GFPT1: variants seen among roughly 807,000 people sequenced by gnomAD.
GFPT1 encodes glutamine--fructose-6-phosphate aminotransferase [isomerizing] 1.
A neutral mutation model predicts 92.0 loss-of-function variants in GFPT1; 40 were observed. The ratio of observed to expected loss-of-function variants is 0.43; its 90% CI spans 0.34 to 0.57. The LOEUF (loss-of-function observed/expected upper bound fraction) is 0.57. Ranked by LOEUF, GFPT1 falls within the 20% of genes least tolerant of loss-of-function variation. The pLI is 0.02. For missense variants in GFPT1, 448 were observed against 869.1 expected, an observed-to-expected ratio of 0.52 and a Z score of 6.09; for synonymous variants, 269 against 280.6, an observed-to-expected ratio of 0.96 and a Z score of 0.41.
intron 4 of GFPT1, among the ~76,000 whole-genome samples, chr2:69,360,987 G>A (rs1056285856): frequency 4.6e-5 from 7 of 152,008 alleles, no homozygotes; most frequent in Non-Finnish European, 8.8e-5. Flanking sequence ...CACCTGCCTT[G>A]GCCTCCCAAA....
At chr2:69,376,774 T>C (rs1671881928) in intron 1 of GFPT1, among the ~76,000 whole-genome samples, 1 of 152,118 alleles carries the variant, frequency 6.6e-6, no homozygotes, top group Non-Finnish European at 1.5e-5. Flanking sequence ...ATGATAAAAA[T>C]GAAAGTTGGT....
chr2:69,354,698 A>C, intron 7 of GFPT1, 130 bp from the exon 8 acceptor site: 1 of 688,894 alleles, frequency 1.5e-6, no homozygotes, highest in South Asian at 1.5e-5. Context: ...AGATATAAGA[A>C]CTAGATAAAA....
At chr2:69,326,273 T>C in intron 19 of GFPT1, 40 bp from the exon 20 acceptor site, 1 of 1,403,588 alleles carries the variant, frequency 7.1e-7, no homozygotes, top group South Asian at 1.2e-5. Context: ...TTTGAGAGAT[T>C]ATATAGACTG....
At chr2:69,349,522 T>C (rs1380442360) in intron 10 of GFPT1, among the ~76,000 whole-genome samples, 3 of 152,230 alleles carry the variant, frequency 2.0e-5, no homozygotes, top group African/African-American at 4.8e-5. Context: ...ACTCAAATAC[T>C]TGTTTGCAAT....
At chr2:69,344,186 CAAAAAAAAA>C (rs10602884) in intron 12 of GFPT1, among the ~76,000 whole-genome samples, 1 of 64,520 alleles carries the variant, frequency 1.5e-5, no homozygotes, top group African/African-American at 6.5e-5. Flanking sequence ...AAAAGCAAAG[CAAAAAAAAA>C]AAAAAAAAAA....
chr2:69,346,040 C>A, intron 11 of GFPT1, 41 bp from the exon 12 acceptor site: 1 of 1,080,450 alleles, frequency 9.3e-7, no homozygotes, highest in South Asian at 1.3e-5. Flanking sequence ...AAAAACAAAT[C>A]AAATAAAAGA....
intron 1 of GFPT1, among the ~76,000 whole-genome samples, chr2:69,380,958 G>A (rs1671994216): frequency 6.6e-6 from 1 of 151,706 alleles, no homozygotes. Context: ...TTCATTTTTG[G>A]TAGATTCTTA....
At chr2:69,326,508 AG>A (rs1670535719) in intron 19 of GFPT1, among the ~76,000 whole-genome samples, 1 of 152,228 alleles carries the variant, frequency 6.6e-6, no homozygotes, top group African/African-American at 2.4e-5. Flanking sequence ...TAGCCCTCAT[AG>A]GGGACACTAA....
chr2:69,346,147 G>C, intron 11 of GFPT1, 148 bp from the exon 12 acceptor site: 1 of 624,552 alleles, frequency 1.6e-6, no homozygotes, highest in Non-Finnish European at 2.8e-6. Flanking sequence ...AAGATTGGGT[G>C]AACATATTTT....
intron 1 of GFPT1, among the ~76,000 whole-genome samples, chr2:69,381,005 A>C (rs1671995719): frequency 1.3e-5 from 2 of 151,280 alleles, no homozygotes; most frequent in Non-Finnish European, 2.9e-5. Context: ...TTTTAGACAG[A>C]GTCTCGTTCT....
At chr2:69,335,203 C>T (rs1670765932) in intron 15 of GFPT1, among the ~76,000 whole-genome samples, 1 of 152,020 alleles carries the variant, frequency 6.6e-6, no homozygotes, top group African/African-American at 2.4e-5. Context: ...GATAAGGTCT[C>T]ACTCTGATGC....
chr2:69,344,951 C>T (rs1032188297), intron 12 of GFPT1, among the ~76,000 whole-genome samples: 1 of 151,968 alleles, frequency 6.6e-6, no homozygotes, highest in Non-Finnish European at 1.5e-5. Flanking sequence ...TTTTTAAAAC[C>T]GTGAACTTCC....
At chr2:69,386,922 C>A in intron 1 of GFPT1, 143 bp downstream of exon 1, 1 of 724,260 alleles carries the variant, frequency 1.4e-6, no homozygotes, top group East Asian at 2.9e-5. Flanking sequence ...GCCCCCGCAG[C>A]CACCACTGGG....
intron 7 of GFPT1, among the ~76,000 whole-genome samples, chr2:69,356,238 C>T (rs180764494): frequency 2.3e-3 from 353 of 152,204 alleles, no homozygotes; most frequent in African/African-American, 8.1e-3. Context: ...AGATGATCCG[C>T]CTGCCTCGAC....
intron 12 of GFPT1, among the ~76,000 whole-genome samples, chr2:69,342,488 T>C (rs893839783): frequency 2.0e-5 from 3 of 152,216 alleles, no homozygotes; most frequent in Admixed American, 6.5e-5. Context: ...CCCCACACAA[T>C]TACAGTATTT....
intron 12 of GFPT1, 43 bp downstream of exon 12, chr2:69,345,861 T>A (rs1671068445): frequency 1.8e-6 from 2 of 1,083,198 alleles, no homozygotes; most frequent in African/African-American, 1.6e-5. Context: ...CACCTCCTAC[T>A]GTCAGAGACA....
At chr2:69,334,831 T>C (rs546408833) in intron 15 of GFPT1, 66 of 152,044 alleles carry the variant, frequency 4.3e-4, no homozygotes, top group African/African-American at 1.4e-3. Context: ...GGCTGGAGGG[T>C]AGGAGTAAGG....
Position 69,329,720 on chromosome 2 carries a change from G to A in GFPT1, c.1561C>T (p.Arg521Cys), listed in dbSNP as rs1421146245. The change falls in exon 16 of 20, where the codon CGC becomes TGC. Residue 521 changes from arginine (R) to cysteine (C), a missense_variant. This residue lies in a region of GFPT1 where 73 missense variants were observed against 103.5 expected (regional missense o/e 0.71). Transcript: ENST00000357308. ...CDDRISMQER[R>C]KEIMLGLKRL... Reference sequence around the variant, plus strand: ...TTCAATCCAAGCATGATCTCTTTGCGTCTTTCTTGCATGGAGATCCGATCA... The same window carrying A: ...TTCAATCCAAGCATGATCTCTTTGCATCTTTCTTGCATGGAGATCCGATCA... 5.0e-6 allele frequency: 8 copies of A among 1,612,390 alleles called. No individual in the cohort carries two copies. The highest frequency in any genetic ancestry group is 1.7e-5 in the Admixed American group (1 of 60,014).
intron 2 of GFPT1, among the ~76,000 whole-genome samples, chr2:69,372,357 G>T (rs182326382): frequency 2.6e-5 from 4 of 152,172 alleles, no homozygotes; most frequent in African/African-American, 9.6e-5. Context: ...ATCTCCTGAG[G>T]TCAGGAGTTC....
Sources: gnomAD v4.1 joint callset for allele counts (sites outside exome capture counted in the v4.1 genomes callset) on GRCh38, gnomAD v4.1.1 for gene constraint, gnomAD v4.1.1 regional missense constraint, MANE v1.5 for transcripts, NCBI Gene and HGNC (gene_info 2026-07-23, HGNC 2026-07-21) for gene names.